The following FOXK2 variants were observed in gnomAD, a reference collection of about 807,000 sequenced individuals.
The protein encoded by FOXK2 is forkhead box K2, also known as forkhead box protein K2.
FOXK2 carries 24 observed loss-of-function variants against 53.3 expected under a neutral mutation model. That is an observed-to-expected ratio of 0.45 (90% CI 0.33 to 0.63). The LOEUF (loss-of-function observed/expected upper bound fraction) is 0.63. Ranked by LOEUF, FOXK2 falls within the 30% of genes least tolerant of loss-of-function variation. The pLI, the probability that FOXK2 is intolerant of heterozygous loss-of-function variation, is 0.03. For missense variants in FOXK2, 952 were observed against 910.5 expected, an observed-to-expected ratio of 1.05 and a Z score of -0.59; for synonymous variants, 505 against 407.1, an observed-to-expected ratio of 1.24 and a Z score of -2.89.
chr17:82,530,704 T>G (rs2044465641), intron 1 of FOXK2, among the ~76,000 whole-genome samples: 1 of 152,012 alleles, frequency 6.6e-6, no homozygotes, highest in Non-Finnish European at 1.5e-5. Flanking sequence ...GAGACGGGGT[T>G]TCACCATGTG....
rs1057130731 is a variant in FOXK2 at position 82,602,767 on chromosome 17, C to G, written c.*1268C>G. 1 of 152,248 alleles carries G rather than the reference C, an allele frequency of 6.6e-6. No homozygotes were observed. Among genetic ancestry groups the G allele is most frequent in the Non-Finnish European group, 1.5e-5 (1 of 68,046 alleles). 9.4% of individuals were successfully genotyped at this position (152,248 alleles called of 1,614,324 possible). ...GGTCCCTGCACCTCCTCGCCCGGCTCCTCAGGAAGAAAACCGCTGGCCCTT... is the reference window on the plus strand; with the variant it reads ...GGTCCCTGCACCTCCTCGCCCGGCTGCTCAGGAAGAAAACCGCTGGCCCTT... On this transcript the variant is annotated 3_prime_UTR_variant, in exon 9 of 9. Coordinates refer to ENST00000335255, the MANE Select transcript of FOXK2 (RefSeq NM_004514.4).
intron 7 of FOXK2, 84 bp from the exon 8 acceptor site, chr17:82,586,979 T>A (rs1387545): frequency 8.4e-7 from 1 of 1,185,900 alleles, no homozygotes. Flanking sequence ...GTGTGATAGC[T>A]ATCTGGTTAT....
Position 82,563,476 on chromosome 17 carries a change from C to G in FOXK2, c.542C>G (p.Pro181Arg). The G allele has an allele frequency of 1.2e-6, 2 of 1,614,136 alleles. No individual in the cohort carries two copies. Among genetic ancestry groups the G allele is most frequent in the Non-Finnish European group, 1.7e-6 (2 of 1,180,026 alleles). Residue 181 changes from proline to arginine, a missense_variant, in exon 2 of 9, where the codon CCC becomes CGC. Pro to Arg is a moderately radical substitution (Grantham distance 103). Around this residue, in one of 5 missense-constraint regions of FOXK2, gnomAD observed 76 missense variants for 128.2 expected, o/e 0.59. Coordinates refer to ENST00000335255, the MANE Select transcript of FOXK2 (RefSeq NM_004514.4). ...AAGGCCGTACAGCCACACATCTCGC[C>G]CCTGACCATCAACATTCCAGACACC... ...PVKAVQPHISPLTINIPDTMA... is the reference protein window; with the variant it reads ...PVKAVQPHISRLTINIPDTMA...
intron 8 of FOXK2, chr17:82,595,945 T>A: frequency 8.0e-7 from 1 of 1,250,562 alleles, no homozygotes; most frequent in Admixed American, 2.6e-5. Flanking sequence ...GGTGGAAGGT[T>A]GTCCAGAGAC....
chr17:82,555,437 GT>G (rs2044714107), intron 1 of FOXK2, among the ~76,000 whole-genome samples: 1 of 152,102 alleles, frequency 6.6e-6, no homozygotes, highest in South Asian at 2.1e-4. Flanking sequence ...TTAATTTCTA[GT>G]TTTGAAAAGG....
chr17:82,520,432 C>A (rs2044349303), intron 1 of FOXK2, 125 bp downstream of exon 1: 1 of 842,420 alleles, frequency 1.2e-6, no homozygotes, highest in Non-Finnish European at 1.6e-6. Context: ...ACAGCCGGGA[C>A]CACCAGCGGG....
chr17:82,598,476 G>A (rs1412426149), intron 8 of FOXK2, among the ~76,000 whole-genome samples: 1 of 152,200 alleles, frequency 6.6e-6, no homozygotes, highest in Non-Finnish European at 1.5e-5. Flanking sequence ...GCCGTGTTGT[G>A]CTGCCGTAAC....
chr17:82,582,772 G>C lies in FOXK2; in HGVS notation c.941G>C (p.Arg314Pro). Reference protein sequence around the residue: ...NSIRHNLSLNRYFIKVPRSQE... With the variant: ...NSIRHNLSLNPYFIKVPRSQE... ...ATTCGCCACAATCTCTCTCTGAATC[G>C]TTATTTCATCAAAGTGCCGCGTTCC... The change falls in exon 5 of 9, where the codon CGT becomes CCT. Residue 314 changes from arginine (R) to proline (P), a missense_variant. Around this residue, in one of 5 missense-constraint regions of FOXK2, gnomAD observed 160 missense variants for 214.2 expected, o/e 0.75. Coordinates refer to ENST00000335255, the MANE Select transcript of FOXK2 (RefSeq NM_004514.4). The C allele has an allele frequency of 6.2e-7, 1 of 1,602,578 alleles. No individual in the cohort carries two copies. The highest frequency in any genetic ancestry group is 8.5e-7 in the Non-Finnish European group (1 of 1,176,672).
Position 82,584,169 on chromosome 17 carries a change from GT to G in FOXK2, c.1263del (p.Phe421LeufsTer16). On this transcript the variant is annotated frameshift_variant, in exon 6 of 9. Transcript: ENST00000335255. LOFTEE classifies it high-confidence loss of function. Reference protein sequence around the residue: ...PKLAVIQEARFAQSAPGSPLS... With the variant: ...PKLAVIQEARXAQSAPGSPLS... ...AACTCGCTGTCATCCAGGAAGCCCG[GT>G]TTGCCCAGAGCGCCCCAGGTGAGAC... The G allele has an allele frequency of 6.2e-7, 1 of 1,606,378 alleles. No individual in the cohort carries two copies.
rs751776107 is a variant in FOXK2 at position 82,584,061 on chromosome 17, T to A, written c.1152T>A (p.Ser384=). Residue 384 remains serine (S), a synonymous_variant, in exon 6 of 9, where the codon TCT becomes TCA. Transcript: ENST00000335255. ...PNHAGVLSAH[S]SGAQTPESLS... is the part of the protein sequence containing the mutation. ...ACGCGGGAGTGCTGTCTGCTCACTC[T>A]AGTGGCGCCCAGACCCCTGAGAGCC... is the stretch of plus-strand genomic sequence containing the variant. The A allele has an allele frequency of 1.9e-5, 30 of 1,611,762 alleles. No homozygotes were observed. Among genetic ancestry groups the A allele is most frequent in the Admixed American group, 1.7e-4 (10 of 59,944 alleles).
At chr17:82,541,654 T>C (rs11658882) in intron 1 of FOXK2, among the ~76,000 whole-genome samples, 6,578 of 152,162 alleles carry the variant, frequency 0.043, 155 homozygotes, top group African/African-American at 0.053. Flanking sequence ...ACTGATAACT[T>C]TTTTTTCATA....
At chr17:82,556,343 C>T (rs1398761352) in intron 1 of FOXK2, among the ~76,000 whole-genome samples, 1 of 151,964 alleles carries the variant, frequency 6.6e-6, no homozygotes, top group East Asian at 1.9e-4. Flanking sequence ...ACTCAGGAGA[C>T]TGAGGCAGGA....
intron 1 of FOXK2, among the ~76,000 whole-genome samples, chr17:82,526,313 G>T (rs982145640): frequency 6.6e-6 from 1 of 152,160 alleles, no homozygotes; most frequent in Non-Finnish European, 1.5e-5. Context: ...AGATGGCCAA[G>T]GGACATGGCT....
chr17:82,568,076 AG>A lies in FOXK2; in HGVS notation c.638del (p.Ser213ThrfsTer15). 1 of 1,609,934 alleles carries A rather than the reference AG, an allele frequency of 6.2e-7. No homozygotes were observed. Among genetic ancestry groups the A allele is most frequent in the Non-Finnish European group, 8.5e-7 (1 of 1,179,098 alleles). ...TISAANSCPS[S>X]PRGAGSSGYK... Reference sequence around the variant, plus strand: ...CAGCGCTGCAAACTCCTGCCCCTCCAGCCCCCGGGGAGCGGGGTCTTCAGGG... The same window carrying A: ...CAGCGCTGCAAACTCCTGCCCCTCCACCCCCGGGGAGCGGGGTCTTCAGGG... On this transcript the variant is annotated frameshift_variant, in exon 3 of 9. Transcript: ENST00000335255. LOFTEE classifies it high-confidence loss of function.
chr17:82,586,882 C>T (rs2045182331), intron 7 of FOXK2, among the ~76,000 whole-genome samples, 181 bp from the exon 8 acceptor site: 2 of 151,956 alleles, frequency 1.3e-5, no homozygotes, highest in South Asian at 2.1e-4. Flanking sequence ...GCTTGGGTAA[C>T]GAGCGAAACT....
At chr17:82,541,615 T>C (rs2044575269) in intron 1 of FOXK2, among the ~76,000 whole-genome samples, 1 of 152,130 alleles carries the variant, frequency 6.6e-6, no homozygotes, top group Admixed American at 6.5e-5. Context: ...GATACTTGTG[T>C]GACAATCAGA....
At chr17:82,570,250 C>T (rs533442224) in intron 3 of FOXK2, among the ~76,000 whole-genome samples, 49 of 149,944 alleles carry the variant, frequency 3.3e-4, no homozygotes, top group South Asian at 8.5e-4. Flanking sequence ...AATTTGACTT[C>T]GGGAGGCCAA....
intron 4 of FOXK2, chr17:82,577,157 C>T (rs971808490): frequency 2.3e-5 from 19 of 814,706 alleles, no homozygotes; most frequent in Admixed American, 1.1e-4. Context: ...AGCAAAACTC[C>T]GTCTCAAAAA....
At chr17:82,576,654 T>G in intron 4 of FOXK2, 2 of 1,153,650 alleles carry the variant, frequency 1.7e-6, no homozygotes, top group Non-Finnish European at 2.6e-6. Context: ...AGAAGATGAT[T>G]GACACAACGA....
Sources: allele counts gnomAD v4.1 joint callset (sites outside exome capture counted in the v4.1 genomes callset), GRCh38; gene constraint gnomAD v4.1.1; regional missense constraint gnomAD v4.1.1; transcripts MANE v1.5; gene names NCBI Gene and HGNC (gene_info 2026-07-23, HGNC 2026-07-21).